ATPAF1: variants seen among roughly 807,000 people sequenced by gnomAD.
The protein encoded by ATPAF1 is homolog of yeast ATP11.
Under a neutral mutation model 43.9 loss-of-function variants are expected in ATPAF1, and 26 were observed. That is an observed-to-expected ratio of 0.59 (90% CI 0.43 to 0.82). The LOEUF (loss-of-function observed/expected upper bound fraction) is 0.82, where lower values mean the gene tolerates loss of function less well. Among genes scored for constraint, ATPAF1 ranks in the 40% least tolerant of loss-of-function variants. ATPAF1 has a pLI of 0.00. For missense variants in ATPAF1, 366 were observed against 435.0 expected, an observed-to-expected ratio of 0.84 and a Z score of 1.41; for synonymous variants, 157 against 168.0, an observed-to-expected ratio of 0.93 and a Z score of 0.50.
Position 46,668,034 on chromosome 1 carries a change from C to A in ATPAF1, c.266+23G>T. The A allele has an allele frequency of 7.4e-7, 1 of 1,346,808 alleles. No homozygotes were observed. Among genetic ancestry groups the A allele is most frequent in the Non-Finnish European group, 9.5e-7 (1 of 1,051,422 alleles). The allele number at this position is 1,346,808 out of a possible 1,614,324, so 83.4% of individuals were successfully genotyped here. On this transcript the variant is annotated intron_variant, in intron 1 of 8. Coordinates refer to ENST00000574428, the Ensembl canonical transcript of ATPAF1. The surrounding 1 kb of genome is among the most constrained non-coding windows in gnomAD (Gnocchi z 4.4). ...GCCCCTCCTCCCGCCTCCTGCCCGC[C>A]TCCAGCCAACCCAGGCCCGCACCTG...
chr1:46,661,743 C>T (rs1356010084), intron 2 of ATPAF1, among the ~76,000 whole-genome samples: 1 of 152,068 alleles, frequency 6.6e-6, no homozygotes, highest in Non-Finnish European at 1.5e-5. Context: ...GTAGTAAAGA[C>T]AAGACTGTGG....
At chr1:46,660,726 T>C (rs1307909521) in intron 2 of ATPAF1, among the ~76,000 whole-genome samples, 1 of 152,192 alleles carries the variant, frequency 6.6e-6, no homozygotes, top group Non-Finnish European at 1.5e-5. Flanking sequence ...GGTATTTTAC[T>C]TCCCTACTAT....
At chr1:46,641,384 G>A (rs192445811) in intron 8 of ATPAF1, among the ~76,000 whole-genome samples, 140 of 152,084 alleles carry the variant, frequency 9.2e-4, no homozygotes, top group Middle Eastern at 3.4e-3. Flanking sequence ...AGCCTCAACT[G>A]GACCTTTCCC....
In ATPAF1 at chr1:46,653,829, G is replaced by T. The variant is rs766181455; in HGVS notation, c.528C>A (p.Tyr176Ter). ...CCAAACTACTTACAGGAATAACTGC[G>T]TAGACTGTATCTTTTGCTGCAAAAT... Residue 176 changes from tyrosine to a stop codon, truncating the protein, a stop_gained, in exon 5 of 9, where the codon TAC becomes TAA. Coordinates refer to ENST00000574428, the Ensembl canonical transcript of ATPAF1. LOFTEE classifies it high-confidence loss of function. The surrounding 1 kb of genome is among the most constrained non-coding windows in gnomAD (Gnocchi z 4.8). 6.2e-7 allele frequency: 1 copy of T among 1,610,890 alleles called. No individual in the cohort carries two copies. The highest frequency in any genetic ancestry group is 2.2e-5 in the East Asian group (1 of 44,784).
intron 8 of ATPAF1, among the ~76,000 whole-genome samples, chr1:46,636,921 T>C (rs1356991732): frequency 1.3e-5 from 2 of 152,180 alleles, no homozygotes; most frequent in African/African-American, 4.8e-5. Flanking sequence ...CCAAGAGCCA[T>C]GTGAGTGGGG....
intron 7 of ATPAF1, 73 bp from the exon 8 acceptor site, chr1:46,643,374 A>G (rs1675984017): frequency 8.2e-7 from 1 of 1,215,806 alleles, no homozygotes; most frequent in Admixed American, 2.3e-5. Context: ...AGCAATAGAC[A>G]GTCTAGAGGA....
chr1:46,636,259 A>T (rs1675839538), intron 8 of ATPAF1: 1 of 474,002 alleles, frequency 2.1e-6, no homozygotes, highest in Non-Finnish European at 3.9e-6. Context: ...GGTTTGTTTT[A>T]TATCTCTGCA....
chr1:46,640,881 T>C (rs1675937676), intron 8 of ATPAF1, among the ~76,000 whole-genome samples: 1 of 152,232 alleles, frequency 6.6e-6, no homozygotes. Flanking sequence ...CACTGAGCAA[T>C]CTGTAGGAAA....
chr1:46,663,422 C>A (rs1030683055), intron 2 of ATPAF1, among the ~76,000 whole-genome samples: 1 of 152,214 alleles, frequency 6.6e-6, no homozygotes, highest in African/African-American at 2.4e-5. Context: ...GTTCCTATTT[C>A]TCCACATCCT....
At chr1:46,636,236 A>T (rs1675838676) in intron 8 of ATPAF1, 1 of 520,810 alleles carries the variant, frequency 1.9e-6, no homozygotes, top group Non-Finnish European at 3.5e-6. Flanking sequence ...AATTCCTCAA[A>T]GACATAGACC....
At chr1:46,652,502 G>T in intron 6 of ATPAF1, 79 bp downstream of exon 6, 1 of 1,406,106 alleles carries the variant, frequency 7.1e-7, no homozygotes, top group South Asian at 1.2e-5. Context: ...GAGACAGTAT[G>T]GAATATGACG....
At position 46,660,101 on chromosome 1, in the gene ATPAF1, C is replaced by T. The variant is rs138338993; in HGVS notation, c.376-1364G>A. Among the ~76,000 whole-genome samples, 912 of 151,966 alleles carry T rather than the reference C, an allele frequency of 6.0e-3. 6 individuals carry two copies. The highest frequency in any genetic ancestry group is 0.021 in the African/African-American group (861 of 41,458). ...AAGTGATTCTCCCACCTCAGTCTCC[C>T]GAGTAGCTGGGTCTACAGGCTTGTG... On this transcript the variant is annotated intron_variant, in intron 2 of 8. Coordinates refer to ENST00000574428, the Ensembl canonical transcript of ATPAF1.
intron 3 of ATPAF1, 146 bp from the exon 4 acceptor site, chr1:46,658,335 C>G (rs1048148159): frequency 9.7e-6 from 7 of 722,114 alleles, no homozygotes; most frequent in African/African-American, 3.6e-5. Context: ...AACCCACATG[C>G]TCAGAGAAAG....
chr1:46,648,707 G>C (rs1019954391), intron 6 of ATPAF1, among the ~76,000 whole-genome samples: 1 of 152,100 alleles, frequency 6.6e-6, no homozygotes, highest in Non-Finnish European at 1.5e-5. Flanking sequence ...GCCAGGTGCG[G>C]TGGCTCATGC....
chr1:46,643,632 A>G (rs531603318), intron 7 of ATPAF1, among the ~76,000 whole-genome samples: 3 of 152,364 alleles, frequency 2.0e-5, no homozygotes, highest in South Asian at 4.1e-4. Flanking sequence ...AAAGAAAGCA[A>G]TGTGCCTGTG....
At chr1:46,648,909 G>A (rs1365145126) in intron 6 of ATPAF1, among the ~76,000 whole-genome samples, 1 of 152,020 alleles carries the variant, frequency 6.6e-6, no homozygotes, top group Non-Finnish European at 1.5e-5. Flanking sequence ...AACCTGGGAG[G>A]CAGAGATTGC....
At chr1:46,666,716 A>T (rs771163211) in intron 1 of ATPAF1, among the ~76,000 whole-genome samples, 44 of 152,224 alleles carry the variant, frequency 2.9e-4, no homozygotes, top group Non-Finnish European at 5.9e-4. Context: ...AGATAAAACT[A>T]GAGAGAGACT....
chr1:46,665,291 T>C (rs376366509), exon 2 of ATPAF1: 1 of 1,614,150 alleles, frequency 6.2e-7, no homozygotes, highest in African/African-American at 1.3e-5. Flanking sequence ...TCACCTTGCC[T>C]GGAATGCCCC....
intron 7 of ATPAF1, among the ~76,000 whole-genome samples, chr1:46,644,277 G>C (rs940613842): frequency 6.8e-6 from 1 of 147,162 alleles, no homozygotes; most frequent in Admixed American, 7.0e-5. Flanking sequence ...GATAACCTGG[G>C]CTCAATCCTG....
Sources: gnomAD v4.1 joint callset for allele counts (sites outside exome capture counted in the v4.1 genomes callset) on GRCh38, gnomAD v4.1.1 for gene constraint, Gnocchi (gnomAD v3.1) non-coding constraint, MANE v1.5 for transcripts, NCBI Gene and HGNC (gene_info 2026-07-23, HGNC 2026-07-21) for gene names.